Variants in ENPP6 observed in about 807,000 individuals in gnomAD.
ENPP6 encodes the protein glycerophosphocholine cholinephosphodiesterase ENPP6.
Under a neutral mutation model 42.0 loss-of-function variants are expected in ENPP6, and 32 were observed. The ratio of observed to expected loss-of-function variants is 0.76; its 90% CI spans 0.58 to 1.02. ENPP6 has a LOEUF of 1.02. Among genes scored for constraint, ENPP6 ranks in the 50% least tolerant of loss-of-function variants. The pLI, the probability that ENPP6 is intolerant of heterozygous loss-of-function variation, is 0.00. For synonymous variants in ENPP6, 213 were observed against 216.0 expected (o/e 0.99, Z 0.12); for missense variants, 552 against 566.8 (o/e 0.97, Z 0.27).
At chr4:184,175,333 A>T (rs891492557) in intron 1 of ENPP6, among the ~76,000 whole-genome samples, 1 of 152,042 alleles carries the variant, frequency 6.6e-6, no homozygotes, top group Non-Finnish European at 1.5e-5. Flanking sequence ...AAATCACATG[A>T]TTTTTTCCCT....
At chr4:184,199,536 C>T (rs534892488) in intron 1 of ENPP6, among the ~76,000 whole-genome samples, 5 of 152,320 alleles carry the variant, frequency 3.3e-5, no homozygotes, top group African/African-American at 1.2e-4. Context: ...GCTAGACATG[C>T]GGCAGAGCTG....
chr4:184,170,379 G>A (rs899389034), intron 1 of ENPP6, among the ~76,000 whole-genome samples: 4 of 150,608 alleles, frequency 2.7e-5, no homozygotes, highest in East Asian at 1.9e-4. Flanking sequence ...GTGGTGAGCC[G>A]AGATTGCACC....
At chr4:184,170,991 C>T (rs1737452121) in intron 1 of ENPP6, among the ~76,000 whole-genome samples, 2 of 152,180 alleles carry the variant, frequency 1.3e-5, no homozygotes, top group Admixed American at 1.3e-4. Context: ...ACTGTATACC[C>T]CTTACATTGA....
intron 1 of ENPP6, among the ~76,000 whole-genome samples, chr4:184,167,592 C>T (rs1254845309): frequency 2.0e-5 from 3 of 152,236 alleles, no homozygotes; most frequent in Non-Finnish European, 2.9e-5. Flanking sequence ...ATCCCCCGCC[C>T]GCTTTTTTGG....
chr4:184,134,270 T>C (rs1333310798), intron 2 of ENPP6, among the ~76,000 whole-genome samples: 1 of 152,098 alleles, frequency 6.6e-6, no homozygotes, highest in Admixed American at 6.5e-5. Flanking sequence ...TGCACCACCA[T>C]GCCTGGCTTG....
chr4:184,208,299 G>A (rs1284449551), intron 1 of ENPP6, among the ~76,000 whole-genome samples: 1 of 152,154 alleles, frequency 6.6e-6, no homozygotes, highest in Non-Finnish European at 1.5e-5. Flanking sequence ...GCAGAAGATG[G>A]GTGATTTCTG....
chr4:184,113,955 C>CTT (rs1165316325), intron 5 of ENPP6, among the ~76,000 whole-genome samples: 1 of 129,294 alleles, frequency 7.7e-6, no homozygotes, highest in Non-Finnish European at 1.7e-5. Flanking sequence ...TTCTTTCTTT[C>CTT]TTTCTTTCTC....
intron 6 of ENPP6, among the ~76,000 whole-genome samples, chr4:184,098,392 A>G (rs1186675761): frequency 6.6e-6 from 1 of 152,166 alleles, no homozygotes; most frequent in African/African-American, 2.4e-5. Flanking sequence ...ACCAGTATCT[A>G]TCTAATCACA....
Position 184,178,297 on chromosome 4 carries a change from T to A in ENPP6, c.242-24564A>T, listed in dbSNP as rs376053078. 1.6e-4 allele frequency among the ~76,000 whole-genome samples: 25 copies of A among 151,888 alleles called. No homozygotes were observed. The Middle Eastern group carries it at 0.01, about 62-fold the overall frequency. On this transcript the variant is annotated intron_variant, in intron 1 of 7. Transcript: ENST00000296741. Reference sequence around the variant, plus strand: ...GAACTTGAAGACTATCTTGCTGAAATAAGACAGGAAAACAAGATTAGAGAA... The same window carrying A: ...GAACTTGAAGACTATCTTGCTGAAAAAAGACAGGAAAACAAGATTAGAGAA...
intron 1 of ENPP6, among the ~76,000 whole-genome samples, chr4:184,187,435 C>A (rs189489877): frequency 1.3e-5 from 2 of 152,358 alleles, no homozygotes; most frequent in Non-Finnish European, 2.9e-5. Context: ...GACCTCACTG[C>A]CACTCTCATT....
At chr4:184,125,491 G>T (rs575139758) in intron 2 of ENPP6, among the ~76,000 whole-genome samples, 29 of 152,272 alleles carry the variant, frequency 1.9e-4, no homozygotes, top group Non-Finnish European at 3.7e-4. Context: ...TGGGGCAGAG[G>T]GAGCGCAGGA....
intron 1 of ENPP6, among the ~76,000 whole-genome samples, chr4:184,205,112 T>A (rs34398078): frequency 0.43 from 65,247 of 151,898 alleles, 14,515 homozygotes; most frequent in Non-Finnish European, 0.48. Context: ...TTTGTATTTT[T>A]AGTAGAGACA....
intron 1 of ENPP6, among the ~76,000 whole-genome samples, chr4:184,178,535 C>T (rs1262435250): frequency 6.6e-6 from 1 of 152,106 alleles, no homozygotes; most frequent in Non-Finnish European, 1.5e-5. Flanking sequence ...CAGTAAGATA[C>T]TCCATGAGAA....
chr4:184,153,471 G>A (rs1737092423), intron 2 of ENPP6, 83 bp downstream of exon 2: 1 of 1,439,434 alleles, frequency 6.9e-7, no homozygotes, highest in Admixed American at 2.3e-5. Context: ...CCACGGCTTG[G>A]TCTTCAAACA....
intron 1 of ENPP6, among the ~76,000 whole-genome samples, chr4:184,155,639 G>A (rs1434125008): frequency 6.6e-6 from 1 of 152,180 alleles, no homozygotes; most frequent in African/African-American, 2.4e-5. Flanking sequence ...GAGAGGGGTG[G>A]AGGGATCTCT....
intron 6 of ENPP6, among the ~76,000 whole-genome samples, chr4:184,104,050 C>T (rs574456009): frequency 1.3e-5 from 2 of 151,332 alleles, no homozygotes; most frequent in East Asian, 1.9e-4. Flanking sequence ...GATTGCAGTG[C>T]GCCCAGGCTG....
At chr4:184,142,591 C>T (rs1736842098) in intron 2 of ENPP6, among the ~76,000 whole-genome samples, 1 of 152,174 alleles carries the variant, frequency 6.6e-6, no homozygotes, top group South Asian at 2.1e-4. Flanking sequence ...TGCAGACTGG[C>T]CTTGTGTGCA....
Position 184,217,663 on chromosome 4 carries a change from T to A in ENPP6, c.157A>T (p.Ile53Phe). 6.2e-7 allele frequency: 1 copy of A among 1,614,110 alleles called. No individual in the cohort carries two copies. Among genetic ancestry groups the A allele is most frequent in the Non-Finnish European group, 8.5e-7 (1 of 1,180,020 alleles). Residue 53 changes from isoleucine to phenylalanine, a missense_variant, in exon 1 of 8, where the codon ATT (isoleucine) becomes TTT (phenylalanine). Around this residue, in one of 2 missense-constraint regions of ENPP6, gnomAD observed 545 missense variants for 546.3 expected, o/e 1.00. Coordinates refer to ENST00000296741, the MANE Select transcript of ENPP6 (RefSeq NM_153343.4). Reference sequence around the variant, plus strand: ...TCCACTTTTACTCCCCTGCTCACAATCTCTTTGAAACCAGGCAATGACTCC... The same window carrying A: ...TCCACTTTTACTCCCCTGCTCACAAACTCTTTGAAACCAGGCAATGACTCC... The part of the protein sequence containing the change: ...ALESLPGFKE[I>F]VSRGVKVDYL...
At chr4:184,196,476 G>A (rs938371451) in intron 1 of ENPP6, among the ~76,000 whole-genome samples, 1 of 152,184 alleles carries the variant, frequency 6.6e-6, no homozygotes, top group African/African-American at 2.4e-5. Context: ...AATACTATAT[G>A]TTGGTGTAAT....
Sources: gnomAD v4.1 joint callset for allele counts (sites outside exome capture counted in the v4.1 genomes callset) on GRCh38, gnomAD v4.1.1 for gene constraint, gnomAD v4.1.1 regional missense constraint, MANE v1.5 for transcripts, NCBI Gene and HGNC (gene_info 2026-07-23, HGNC 2026-07-21) for gene names.